Variants in HMGXB3 observed in about 807,000 individuals in gnomAD.
The protein encoded by HMGXB3 is HMG domain-containing protein 3.
A neutral mutation model predicts 121.5 loss-of-function variants in HMGXB3; 45 were observed. The observed-to-expected ratio is 0.37, with a 90% CI of 0.29 to 0.47. The LOEUF (loss-of-function observed/expected upper bound fraction) is 0.47, where lower values mean the gene tolerates loss of function less well. HMGXB3 is among the 20% of genes least tolerant of loss of function. HMGXB3 has a pLI of 0.99. For missense variants in HMGXB3, 1,376 were observed against 1,602.2 expected, an observed-to-expected ratio of 0.86 and a Z score of 2.41; for synonymous variants, 590 against 624.1, an observed-to-expected ratio of 0.95 and a Z score of 0.81.
chr5:150,041,909 C>T lies in HMGXB3; in HGVS notation c.2670C>T (p.Ala890=). The part of the protein sequence containing the change: ...NDMICGICGV[A]PKVEMAQRSE... ...TGATCTGTGGCATCTGTGGTGTGGC[C>T]CCCAAAGTGGAAATGGCTCAGAGGA... is the stretch of plus-strand genomic sequence containing the variant. The change falls in exon 15 of 20, where the codon GCC becomes GCT. Residue 890 remains alanine (A), a synonymous_variant. Transcript: ENST00000502717. 2 of 1,551,688 alleles carry T rather than the reference C, an allele frequency of 1.3e-6. No homozygotes were observed. The highest frequency in any genetic ancestry group is 1.7e-6 in the Non-Finnish European group (2 of 1,146,986).
intron 7 of HMGXB3, among the ~76,000 whole-genome samples, chr5:150,025,649 C>G (rs1054732973): frequency 6.6e-6 from 1 of 152,112 alleles, no homozygotes; most frequent in African/African-American, 2.4e-5. Context: ...CTCCCTGAAG[C>G]CTCATCCTCC....
At chr5:150,051,209 T>A (rs989653689) in intron 19 of HMGXB3, among the ~76,000 whole-genome samples, 7 of 152,186 alleles carry the variant, frequency 4.6e-5, no homozygotes, top group Admixed American at 2.6e-4. Context: ...ACCAGTCATG[T>A]ACCCTCCAAG....
chr5:150,009,543 TTGTAAGTC>T (rs1169283331), intron 3 of HMGXB3, among the ~76,000 whole-genome samples: 1 of 152,214 alleles, frequency 6.6e-6, no homozygotes, highest in African/African-American at 2.4e-5. Flanking sequence ...ATCCTCTTCT[TTGTAAGTC>T]TGGGGAAAAC....
intron 13 of HMGXB3, among the ~76,000 whole-genome samples, chr5:150,040,476 C>A (rs1377628756): frequency 1.3e-5 from 2 of 150,566 alleles, no homozygotes; most frequent in African/African-American, 4.9e-5. Context: ...GCGATCCTCC[C>A]ACCTTGGGAG....
At chr5:150,007,991 A>G (rs1755741247) in intron 3 of HMGXB3, among the ~76,000 whole-genome samples, 1 of 150,828 alleles carries the variant, frequency 6.6e-6, no homozygotes, top group Middle Eastern at 3.2e-3. Flanking sequence ...GGGGAAGTGG[A>G]GGTTGCAGTG....
intron 17 of HMGXB3, among the ~76,000 whole-genome samples, chr5:150,048,170 A>C (rs775734097): frequency 3.3e-5 from 5 of 152,274 alleles, no homozygotes; most frequent in African/African-American, 7.2e-5. Flanking sequence ...GCCTACTGTT[A>C]CATAGTGTAT....
intron 5 of HMGXB3, 57 bp downstream of exon 5, chr5:150,012,410 C>A: frequency 8.3e-7 from 1 of 1,198,386 alleles, no homozygotes; most frequent in Non-Finnish European, 1.2e-6. Flanking sequence ...CATTTTTTTT[C>A]TAAGTAGATT....
chr5:150,029,529 G>A (rs1756323207), intron 9 of HMGXB3, among the ~76,000 whole-genome samples: 1 of 151,940 alleles, frequency 6.6e-6, no homozygotes, highest in Non-Finnish European at 1.5e-5. Flanking sequence ...TTTTATTACT[G>A]CCCAGTAAAC....
At chr5:150,005,598 C>CAAAA (rs760181326) in intron 2 of HMGXB3, among the ~76,000 whole-genome samples, 54 of 82,018 alleles carry the variant, frequency 6.6e-4, no homozygotes, top group Admixed American at 1.1e-3. Flanking sequence ...AAACTCCTCT[C>CAAAA]AAAAAAAAAA....
At chr5:150,002,773 G>A (rs1755606737) in intron 1 of HMGXB3, among the ~76,000 whole-genome samples, 1 of 151,626 alleles carries the variant, frequency 6.6e-6, no homozygotes, top group Non-Finnish European at 1.5e-5. Flanking sequence ...GCACCAGAGA[G>A]CTGATGTTGG....
chr5:150,016,654 G>C (rs544740198), intron 5 of HMGXB3, among the ~76,000 whole-genome samples: 1 of 152,082 alleles, frequency 6.6e-6, no homozygotes, highest in East Asian at 1.9e-4. Flanking sequence ...GTTTTGTTCT[G>C]CTTTGTGTAG....
In HMGXB3 at chr5:150,048,596, C is replaced by T. The variant is rs757056963; in HGVS notation, c.3112C>T (p.Leu1038Phe). 3.9e-6 allele frequency: 6 copies of T among 1,551,808 alleles called. No individual in the cohort carries two copies. Among genetic ancestry groups the T allele is most frequent in the Admixed American group, 2.0e-5 (1 of 50,930 alleles). ...CCAGCTCTGCTTCTCCTTGTTGGCC[C>T]TCTACGAATCTGTACAGAATGGAGC... Reference protein sequence around the residue: ...KDQLCFSLLALYESVQNGARA... With the variant: ...KDQLCFSLLAFYESVQNGARA... The change falls in exon 18 of 20, where the codon CTC (leucine) becomes TTC (phenylalanine). Residue 1038 changes from leucine (L) to phenylalanine (F), a missense_variant. Physicochemically the swap from Leu to Phe is conservative, Grantham distance 22 (BLOSUM62 0). Transcript: ENST00000502717.
chr5:150,024,866 T>C (rs556554885), intron 7 of HMGXB3, among the ~76,000 whole-genome samples, 186 bp downstream of exon 7: 100 of 152,352 alleles, frequency 6.6e-4, no homozygotes, highest in Non-Finnish European at 1.2e-3. Flanking sequence ...GCTATTCATG[T>C]ACTGCTGTCA....
rs948071289 is a variant in HMGXB3, at chr5:150,023,071, C to T, written c.1042-1191C>T. 4.0e-5 allele frequency among the ~76,000 whole-genome samples: 6 copies of T among 148,356 alleles called. No individual in the cohort carries two copies. The South Asian group carries it at 1.3e-3, about 31-fold the overall frequency. On this transcript the variant is annotated intron_variant, in intron 6 of 19. Transcript: ENST00000502717. ...CTTGAACTCCTGGGCTTAGGTGAGC[C>T]TCTTGCCTCAGTTTCCCAAAGACTT...
intron 6 of HMGXB3, among the ~76,000 whole-genome samples, chr5:150,019,533 A>T (rs1317895250): frequency 6.6e-6 from 1 of 152,210 alleles, no homozygotes; most frequent in East Asian, 1.9e-4. Flanking sequence ...CACATTTTTT[A>T]TATGAAACTA....
rs573340758 is a variant in HMGXB3, at chr5:150,010,317, C to T, written c.519C>T (p.Pro173=). ...CCAACACTGCCCCGGAGACAGTGCC[C>T]AGCCATGCAGGCATGGCAGAGCAGT... is the stretch of plus-strand genomic sequence containing the variant. ...LVSNTAPETV[P]SHAGMAEQCL... Residue 173 remains proline (P), a synonymous_variant, in exon 4 of 20, where the codon CCC becomes CCT. Transcript: ENST00000502717. 3.9e-6 allele frequency: 6 copies of T among 1,551,780 alleles called. No homozygotes were observed. In the East Asian group the frequency reaches 9.8e-5, roughly 25 times the overall value.
intron 9 of HMGXB3, 183 bp from the exon 10 acceptor site, chr5:150,030,558 A>G: frequency 1.7e-6 from 1 of 582,028 alleles, no homozygotes; most frequent in East Asian, 2.9e-5. Context: ...CAAGGCCTGG[A>G]CTTGAACATG....
rs1425055120 is a variant in HMGXB3, at chr5:150,024,407, C to G, written c.1187C>G (p.Ala396Gly). The change falls in exon 7 of 20, where the codon GCT (alanine) becomes GGT (glycine). Residue 396 changes from alanine (A) to glycine (G), a missense_variant. By Grantham distance (60) the Ala-to-Gly change is moderately conservative (BLOSUM62 0). Transcript: ENST00000502717. ...AAACTGACTCTGGAGAATTCGGAAGCTGTAAGCCAGCTCCTGAACGTAGCT... is the reference window on the plus strand; with the variant it reads ...AAACTGACTCTGGAGAATTCGGAAGGTGTAAGCCAGCTCCTGAACGTAGCT... ...ASKLTLENSE[A>G]VSQLLNVAPP... 1 of 1,551,770 alleles carries G rather than the reference C, an allele frequency of 6.4e-7. No individual in the cohort carries two copies. Among genetic ancestry groups the G allele is most frequent in the South Asian group, 1.2e-5 (1 of 84,068 alleles).
At chr5:150,028,576 T>TTTCCTCCAGAAACAAGGTC (rs1756300870) in intron 9 of HMGXB3, among the ~76,000 whole-genome samples, 1 of 128,050 alleles carries the variant, frequency 7.8e-6, no homozygotes, top group Admixed American at 8.3e-5. Context: ...TTTTTTTTTT[T>TTTCCTCCAGAAACAAGGTC]TTCCTCCAGA....
Sources: allele counts gnomAD v4.1 joint callset (sites outside exome capture counted in the v4.1 genomes callset), GRCh38; gene constraint gnomAD v4.1.1; transcripts MANE v1.5; gene names NCBI Gene and HGNC (gene_info 2026-07-23, HGNC 2026-07-21).